The following COPA variants were observed in gnomAD, a reference collection of about 807,000 sequenced individuals.
COPA encodes coat protein complex I subunit alpha.
In COPA, 10 loss-of-function variants were observed where a neutral mutation model predicts 158.7. That is an observed-to-expected ratio of 0.06 (90% CI 0.04 to 0.11). The LOEUF (loss-of-function observed/expected upper bound fraction) is 0.11. Ranked by LOEUF, COPA falls within the 10% of genes least tolerant of loss-of-function variation. COPA has a pLI of 1.00. For missense variants in COPA, 1,065 were observed against 1,536.7 expected (o/e 0.69, Z 5.13); for synonymous variants, 462 against 542.8 (o/e 0.85, Z 2.07).
chr1:160,294,823 A>C lies in COPA; in HGVS notation c.2511T>G (p.Ile837Met). ...CCCAGCCCTCTGTACCAACAGTGTCAATGTCAATGTCAGCAGCCAGTGCTC... is the reference window on the plus strand; with the variant it reads ...CCCAGCCCTCTGTACCAACAGTGTCCATGTCAATGTCAGCAGCCAGTGCTC... Reference protein sequence around the residue: ...KGGALAADIDIDTVGTEGWGE... With the variant: ...KGGALAADIDMDTVGTEGWGE... Residue 837 changes from isoleucine to methionine, a missense_variant, in exon 24 of 33, where the codon ATT becomes ATG. Physicochemically the swap from Ile to Met is conservative, Grantham distance 10 (BLOSUM62 1). Around this residue, in one of 2 missense-constraint regions of COPA, gnomAD observed 980 missense variants for 1,357.8 expected, o/e 0.72. Transcript: ENST00000241704. The C allele has an allele frequency of 7.4e-6, 12 of 1,613,696 alleles. No homozygotes were observed. Among genetic ancestry groups the C allele is most frequent in the South Asian group, 6.6e-5 (6 of 91,080 alleles).
At chr1:160,300,774 A>T (rs1054967101) in intron 17 of COPA, among the ~76,000 whole-genome samples, 2 of 152,226 alleles carry the variant, frequency 1.3e-5, no homozygotes, top group African/African-American at 4.8e-5. Context: ...AAGGGTAAAA[A>T]TATCAAGACC....
intron 8 of COPA, chr1:160,317,267 TG>T (rs1659179241): frequency 1.3e-6 from 1 of 758,978 alleles, no homozygotes; most frequent in East Asian, 2.5e-5. Flanking sequence ...AAAACACTAA[TG>T]TGGTAGCGGA....
At chr1:160,324,398 G>A (rs1659427569) in intron 7 of COPA, among the ~76,000 whole-genome samples, 1 of 146,114 alleles carries the variant, frequency 6.8e-6, no homozygotes, top group African/African-American at 2.5e-5. Context: ...CCAGGATCAA[G>A]TGATTCTCCT....
chr1:160,311,087 C>A (rs899210559), intron 11 of COPA, among the ~76,000 whole-genome samples: 1 of 152,072 alleles, frequency 6.6e-6, no homozygotes, highest in Non-Finnish European at 1.5e-5. Context: ...TTAAACTGAG[C>A]GGGCTCATCT....
Position 160,293,782 on chromosome 1 carries a change from C to CA in COPA, c.2677-320dup, listed in dbSNP as rs527785643. Among the ~76,000 whole-genome samples, 7 of 152,230 alleles carry CA rather than the reference C, an allele frequency of 4.6e-5. No homozygotes were observed. In the South Asian group the frequency reaches 1.2e-3, roughly 27 times the overall value. On this transcript the variant is annotated intron_variant, in intron 25 of 32. Transcript: ENST00000241704. The stretch of plus-strand genomic sequence containing the variant: ...AAGTGCTAGCATTACAGGCGTGAGC[C>CA]ACTGTGCCCAGCCAAATTGAGTAAT...
intron 7 of COPA, among the ~76,000 whole-genome samples, chr1:160,323,772 G>A (rs1268462888): frequency 6.6e-6 from 1 of 152,102 alleles, no homozygotes; most frequent in Non-Finnish European, 1.5e-5. Flanking sequence ...AGCCTCATTT[G>A]CATTTAGGAT....
chr1:160,294,952 G>A, intron 23 of COPA, 95 bp from the exon 24 acceptor site: 1 of 963,698 alleles, frequency 1.0e-6, no homozygotes, highest in Non-Finnish European at 1.6e-6. Context: ...TCAAAAACAG[G>A]TGCCAAGCTT....
chr1:160,315,763 C>A (rs1659111539), intron 8 of COPA, among the ~76,000 whole-genome samples: 1 of 152,182 alleles, frequency 6.6e-6, no homozygotes, highest in Admixed American at 6.5e-5. Context: ...ATAACCTCCC[C>A]ACAAGGACAA....
intron 3 of COPA, among the ~76,000 whole-genome samples, chr1:160,335,756 G>T (rs1186290808): frequency 2.6e-5 from 4 of 151,740 alleles, no homozygotes; most frequent in Admixed American, 2.6e-4. Context: ...GGTGGCATGT[G>T]CCTGTAGTCC....
At chr1:160,297,821 G>T in intron 19 of COPA, 76 bp from the exon 20 acceptor site, 1 of 1,424,930 alleles carries the variant, frequency 7.0e-7, no homozygotes, top group Non-Finnish European at 9.6e-7. Context: ...CAAAGCATCT[G>T]CATCTATATA....
At chr1:160,340,329 T>A in intron 1 of COPA, 35 bp from the exon 2 acceptor site, 1 of 1,368,472 alleles carries the variant, frequency 7.3e-7, no homozygotes, top group Non-Finnish European at 1.0e-6. Context: ...ATGAGCTAAC[T>A]AAGCCCCATG....
intron 6 of COPA, among the ~76,000 whole-genome samples, chr1:160,327,783 G>A (rs1397104263): frequency 2.6e-5 from 4 of 152,000 alleles, no homozygotes; most frequent in Admixed American, 6.5e-5. Flanking sequence ...ACTTGAACCC[G>A]GGAGACGGAG....
At chr1:160,302,689 G>T (rs1658652156) in intron 17 of COPA, among the ~76,000 whole-genome samples, 1 of 151,424 alleles carries the variant, frequency 6.6e-6, no homozygotes, top group Non-Finnish European at 1.5e-5. Context: ...TGAGCAGCTG[G>T]GACTACAGGC....
At chr1:160,304,139 G>A (rs577304022) in intron 17 of COPA, among the ~76,000 whole-genome samples, 36 of 151,118 alleles carry the variant, frequency 2.4e-4, no homozygotes, top group African/African-American at 4.6e-4. Flanking sequence ...CTCAGCCTCC[G>A]GAGTAGCTGG....
At chr1:160,295,888 ACAAATAG>A in intron 22 of COPA, 29 bp from the exon 23 acceptor site, 1 of 1,589,810 alleles carries the variant, frequency 6.3e-7, no homozygotes, top group South Asian at 1.2e-5. Context: ...GAGGCTAAAA[ACAAATAG>A]CACTTGGAAG....
At chr1:160,342,099 C>T (rs1458053259) in intron 1 of COPA, among the ~76,000 whole-genome samples, 2 of 152,178 alleles carry the variant, frequency 1.3e-5, no homozygotes, top group African/African-American at 4.8e-5. Flanking sequence ...GAGTCTACAC[C>T]AGGCGCTGTA....
intron 8 of COPA, among the ~76,000 whole-genome samples, chr1:160,316,022 G>A (rs1659122336): frequency 6.6e-6 from 1 of 152,160 alleles, no homozygotes; most frequent in South Asian, 2.1e-4. Flanking sequence ...ACTGGACCAA[G>A]TGGAGGAAAA....
rs746722049 is a variant in COPA at position 160,294,836 on chromosome 1, G to A, written c.2498C>T (p.Ala833Val). Residue 833 changes from alanine to valine, a missense_variant, in exon 24 of 33, where the codon GCT becomes GTT. By Grantham distance (64) the Ala-to-Val change is moderately conservative. Transcript: ENST00000241704. ...ACCAACAGTGTCAATGTCAATGTCAGCAGCCAGTGCTCCTCCCTTCCCTAC... is the reference window on the plus strand; with the variant it reads ...ACCAACAGTGTCAATGTCAATGTCAACAGCCAGTGCTCCTCCCTTCCCTAC... The part of the protein sequence containing the change: ...ASKGKGGALA[A>V]DIDIDTVGTE... 1.2e-6 allele frequency: 2 copies of A among 1,614,100 alleles called. No individual in the cohort carries two copies. Among genetic ancestry groups the A allele is most frequent in the Non-Finnish European group, 1.7e-6 (2 of 1,179,992 alleles).
At chr1:160,325,514 A>G in intron 7 of COPA, 29 bp downstream of exon 7, 4 of 1,561,630 alleles carry the variant, frequency 2.6e-6, no homozygotes, top group Non-Finnish European at 3.5e-6. Context: ...GACAGCCCAT[A>G]TTCAGCCCCT....
Sources: allele counts gnomAD v4.1 joint callset (sites outside exome capture counted in the v4.1 genomes callset), GRCh38; gene constraint gnomAD v4.1.1; regional missense constraint gnomAD v4.1.1; transcripts MANE v1.5; gene names NCBI Gene and HGNC (gene_info 2026-07-23, HGNC 2026-07-21).